CLASP1: variants seen among roughly 807,000 people sequenced by gnomAD.
CLASP1 encodes cytoplasmic linker associated protein 1.
In CLASP1, 38 loss-of-function variants were observed where a neutral mutation model predicts 192.3. The observed-to-expected ratio is 0.20, with a 90% CI of 0.15 to 0.26. CLASP1 has a LOEUF of 0.26. CLASP1 is among the 10% of genes least tolerant of loss of function. The pLI is 1.00. For synonymous variants in CLASP1, 691 were observed against 712.8 expected, an observed-to-expected ratio of 0.97 and a Z score of 0.49; for missense variants, 1,433 against 1,932.5, an observed-to-expected ratio of 0.74 and a Z score of 4.85.
At chr2:121,489,624 C>G (rs547479763) in intron 8 of CLASP1, among the ~76,000 whole-genome samples, 2 of 152,166 alleles carry the variant, frequency 1.3e-5, no homozygotes, top group Non-Finnish European at 2.9e-5. Flanking sequence ...AAATGCAAAC[C>G]CTGTTTACAC....
intron 1 of CLASP1, among the ~76,000 whole-genome samples, chr2:121,616,129 C>T (rs1313703712): frequency 6.6e-6 from 1 of 152,090 alleles, no homozygotes. Flanking sequence ...TTACCAGCAC[C>T]AGTTAATCAA....
At chr2:121,630,381 AACACACACACACACACACACAC>A (rs60827939) in intron 1 of CLASP1, among the ~76,000 whole-genome samples, 3 of 139,064 alleles carry the variant, frequency 2.2e-5, no homozygotes, top group Admixed American at 7.3e-5. Flanking sequence ...ATTGGAAAGA[AACACACACACACACACACACAC>A]ACACACACAC....
At chr2:121,529,247 A>G (rs996066743) in intron 3 of CLASP1, among the ~76,000 whole-genome samples, 17 of 152,230 alleles carry the variant, frequency 1.1e-4, no homozygotes, top group African/African-American at 4.1e-4. Context: ...GACAGAGCCC[A>G]GCTCTCCATC....
At chr2:121,427,339 C>A in intron 21 of CLASP1, 65 bp downstream of exon 21, 1 of 1,562,180 alleles carries the variant, frequency 6.4e-7, no homozygotes, top group Non-Finnish European at 8.8e-7. Context: ...GTGCAAGGAA[C>A]ATGGGGTCGG....
intron 1 of CLASP1, among the ~76,000 whole-genome samples, chr2:121,632,815 G>C (rs1362871690): frequency 6.6e-6 from 1 of 151,652 alleles, no homozygotes; most frequent in Non-Finnish European, 1.5e-5. Flanking sequence ...AGAATCACTT[G>C]AACCTGGGAG....
chr2:121,567,763 A>C (rs1195027168), intron 2 of CLASP1, among the ~76,000 whole-genome samples: 1 of 152,248 alleles, frequency 6.6e-6, no homozygotes, highest in Non-Finnish European at 1.5e-5. Flanking sequence ...GCTATGACTA[A>C]GCCATGAAAT....
At chr2:121,432,865 T>C (rs926740735) in intron 19 of CLASP1, among the ~76,000 whole-genome samples, 2 of 152,214 alleles carry the variant, frequency 1.3e-5, no homozygotes, top group Admixed American at 1.3e-4. Context: ...CTCATCAGCT[T>C]ATTACCCTCA....
chr2:121,355,930 T>G (rs2065295374), intron 37 of CLASP1, among the ~76,000 whole-genome samples: 1 of 152,250 alleles, frequency 6.6e-6, no homozygotes. Flanking sequence ...CTCCTTCACC[T>G]TTCAAAGTCA....
chr2:121,613,366 G>A (rs576758861), intron 1 of CLASP1, among the ~76,000 whole-genome samples: 19 of 152,220 alleles, frequency 1.2e-4, no homozygotes, highest in African/African-American at 4.6e-4. Flanking sequence ...ATAGTACCCT[G>A]GAAAGTAGAA....
chr2:121,554,132 G>C (rs2058303168), intron 2 of CLASP1, among the ~76,000 whole-genome samples: 1 of 151,564 alleles, frequency 6.6e-6, no homozygotes, highest in Non-Finnish European at 1.5e-5. Flanking sequence ...GGGAGGACCA[G>C]TTGAGCCTGG....
intron 37 of CLASP1, among the ~76,000 whole-genome samples, chr2:121,361,599 TGGTTTTTTTTTA>T (rs946133063): frequency 2.0e-5 from 3 of 151,954 alleles, no homozygotes. Flanking sequence ...AAATTTTTTG[TGGTTTTTTTTTA>T]GGCTCATTGG....
chr2:121,551,293 G>A (rs764518589), intron 2 of CLASP1, among the ~76,000 whole-genome samples: 23 of 152,154 alleles, frequency 1.5e-4, no homozygotes, highest in Non-Finnish European at 2.9e-4. Context: ...ACCGGCACAA[G>A]ACAAGGATGC....
At chr2:121,531,364 G>A (rs932648995) in intron 2 of CLASP1, among the ~76,000 whole-genome samples, 40 of 152,190 alleles carry the variant, frequency 2.6e-4, no homozygotes, top group Non-Finnish European at 5.0e-4. Flanking sequence ...GGGAGGCCGA[G>A]GGGGGCGGAT....
intron 2 of CLASP1, among the ~76,000 whole-genome samples, chr2:121,566,146 C>G (rs2059481808): frequency 6.6e-6 from 1 of 152,138 alleles, no homozygotes. Flanking sequence ...TATTCAGGTG[C>G]CTCTGAAGCA....
chr2:121,477,407 A>G (rs1331488863), intron 8 of CLASP1, among the ~76,000 whole-genome samples: 1 of 152,212 alleles, frequency 6.6e-6, no homozygotes, highest in Non-Finnish European at 1.5e-5. Flanking sequence ...AACCTCAAAT[A>G]CTTTTTAAGC....
intron 2 of CLASP1, among the ~76,000 whole-genome samples, chr2:121,590,131 AG>A (rs2062212739): frequency 6.6e-6 from 1 of 152,192 alleles, no homozygotes; most frequent in African/African-American, 2.4e-5. Context: ...AGAAGCAAAC[AG>A]GTATCTTTGG....
intron 8 of CLASP1, among the ~76,000 whole-genome samples, chr2:121,478,860 CCACA>C (rs1559368477): frequency 9.1e-5 from 7 of 77,038 alleles, no homozygotes; most frequent in East Asian, 3.6e-4. Flanking sequence ...ACACACCACA[CCACA>C]CACACACCAC....
intron 5 of CLASP1, among the ~76,000 whole-genome samples, chr2:121,526,140 C>T (rs1575663377): frequency 6.6e-6 from 1 of 152,244 alleles, no homozygotes; most frequent in Admixed American, 6.5e-5. Context: ...GATAAGTCTT[C>T]GTCCTGTCCC....
intron 37 of CLASP1, among the ~76,000 whole-genome samples, chr2:121,355,293 A>AT (rs1445614211): frequency 2.0e-5 from 3 of 151,854 alleles, no homozygotes; most frequent in Non-Finnish European, 4.4e-5. Context: ...CGCCTAGCTA[A>AT]TTTTTTTGTA....
Sources: allele counts gnomAD v4.1 joint callset (sites outside exome capture counted in the v4.1 genomes callset), GRCh38; gene constraint gnomAD v4.1.1; transcripts MANE v1.5; gene names NCBI Gene and HGNC (gene_info 2026-07-23, HGNC 2026-07-21).